Variants in GUCA1C observed in about 807,000 individuals in gnomAD.
GUCA1C encodes guanylyl cyclase-activating protein 3.
GUCA1C carries 15 observed loss-of-function variants against 16.2 expected under a neutral mutation model. The observed-to-expected ratio is 0.93, with a 90% confidence interval of 0.62 to 1.43. The LOEUF (loss-of-function observed/expected upper bound fraction) is 1.43, where lower values mean the gene tolerates loss of function less well. GUCA1C is among the 40% of genes most tolerant of loss of function. GUCA1C has a pLI of 0.00. For synonymous variants in GUCA1C, 78 were observed against 85.4 expected (o/e 0.91, Z 0.48); for missense variants, 275 against 244.8 (o/e 1.12, Z -0.82).
intron 1 of GUCA1C, among the ~76,000 whole-genome samples, chr3:108,938,452 C>A (rs953819548): frequency 1.3e-5 from 2 of 152,144 alleles, no homozygotes; most frequent in Non-Finnish European, 2.9e-5. Context: ...GCACATTACA[C>A]AATTGATCAA....
At chr3:108,919,614 G>A (rs963875269) in intron 2 of GUCA1C, among the ~76,000 whole-genome samples, 3 of 152,016 alleles carry the variant, frequency 2.0e-5, no homozygotes, top group African/African-American at 4.8e-5. Flanking sequence ...ATTTTTATCT[G>A]CTTTGAACGT....
rs115194813 is a variant in GUCA1C, at chr3:108,949,457, T to C, written c.204+4102A>G. ...AAAGCCTGTAGACAGAGGACTCTCC[T>C]GTCTGTTAGGAATAACCCGGCCTTA... On this transcript the variant is annotated intron_variant, in intron 1 of 3. Transcript: ENST00000261047. Among the ~76,000 whole-genome samples, 1,084 of 152,322 alleles carry C rather than the reference T, an allele frequency of 7.1e-3. 14 individuals are homozygous for C. Among genetic ancestry groups the C allele is most frequent in the African/African-American group, 0.024 (1,010 of 41,570 alleles).
At chr3:108,916,301 G>T in intron 2 of GUCA1C, 87 bp from the exon 3 acceptor site, 1 of 1,323,128 alleles carries the variant, frequency 7.6e-7, no homozygotes, top group Non-Finnish European at 1.1e-6. Flanking sequence ...GACAGAATTT[G>T]GGGATGTGTT....
At position 108,915,025 on chromosome 3, in the gene GUCA1C, A is replaced by G. The variant is rs183446399; in HGVS notation, c.442+1102T>C. 4.6e-5 allele frequency among the ~76,000 whole-genome samples: 7 copies of G among 152,332 alleles called. No individual in the cohort carries two copies. In the East Asian group the frequency reaches 1.4e-3, roughly 29 times the overall value. On this transcript the variant is annotated intron_variant, in intron 3 of 3. Transcript: ENST00000261047. Reference sequence around the variant, plus strand: ...CGAGGTGCTTAAGAGAAGAAGATTGATGCAACTGATGCATCTTCAAATTTC... The same window carrying G: ...CGAGGTGCTTAAGAGAAGAAGATTGGTGCAACTGATGCATCTTCAAATTTC...
intron 1 of GUCA1C, among the ~76,000 whole-genome samples, chr3:108,927,126 G>T (rs1361621327): frequency 6.6e-6 from 1 of 152,144 alleles, no homozygotes. Flanking sequence ...TTCCCTTATA[G>T]GTTGCCTGAT....
chr3:108,943,227 C>T (rs144594187), intron 1 of GUCA1C, among the ~76,000 whole-genome samples: 3 of 151,752 alleles, frequency 2.0e-5, no homozygotes, highest in African/African-American at 4.8e-5. Flanking sequence ...TGCCAGGTAT[C>T]GAGGGGGAGT....
At chr3:108,947,342 G>A (rs1414717099) in intron 1 of GUCA1C, among the ~76,000 whole-genome samples, 1 of 152,108 alleles carries the variant, frequency 6.6e-6, no homozygotes, top group Non-Finnish European at 1.5e-5. Flanking sequence ...CGTTTGAGTA[G>A]GCTGAGGAGG....
chr3:108,953,559 C>T lies in GUCA1C; in HGVS notation c.204G>A (p.Lys68=). ...DQVYNTFDTN[K]DGFVDFLEFI... is the part of the protein sequence containing the mutation. ...TGAAATGAAAAATGAAAGATCTTAC[C>T]TTGTTCGTGTCAAAGGTATTATAAA... The change falls in exon 1 of 4, where the codon AAG becomes AAA. Residue 68 remains lysine (K), a splice_region_variant and synonymous_variant. Transcript: ENST00000261047. 1 of 1,579,358 alleles carries T rather than the reference C, an allele frequency of 6.3e-7. No individual in the cohort carries two copies. The highest frequency in any genetic ancestry group is 8.7e-7 in the Non-Finnish European group (1 of 1,148,986).
At chr3:108,912,921 T>C (rs1030345201) in intron 3 of GUCA1C, among the ~76,000 whole-genome samples, 2 of 152,166 alleles carry the variant, frequency 1.3e-5, no homozygotes, top group Admixed American at 6.6e-5. Context: ...GTGGAGCTCA[T>C]AGCTCTTCAT....
intron 1 of GUCA1C, among the ~76,000 whole-genome samples, chr3:108,948,761 T>A (rs577031342): frequency 6.6e-6 from 1 of 152,328 alleles, no homozygotes; most frequent in Non-Finnish European, 1.5e-5. Context: ...ACCCTTCTTA[T>A]AAAATTTCTC....
chr3:108,918,681 G>A (rs953179538), intron 2 of GUCA1C, among the ~76,000 whole-genome samples: 15 of 152,120 alleles, frequency 9.9e-5, no homozygotes, highest in African/African-American at 3.6e-4. Flanking sequence ...TGCCTATACT[G>A]TGGTACTTCC....
intron 3 of GUCA1C, among the ~76,000 whole-genome samples, chr3:108,908,733 G>A (rs73850660): frequency 0.15 from 23,006 of 152,098 alleles, 5,613 homozygotes; most frequent in African/African-American, 0.52. Context: ...TTTGAGTCCT[G>A]ATCTTATCAC....
chr3:108,922,539 GGAGT>G (rs1188071758), intron 1 of GUCA1C, among the ~76,000 whole-genome samples: 1 of 152,034 alleles, frequency 6.6e-6, no homozygotes, highest in Non-Finnish European at 1.5e-5. Context: ...CATTCTTGCA[GGAGT>G]GAGGTGATAT....
intron 1 of GUCA1C, among the ~76,000 whole-genome samples, chr3:108,924,147 C>T (rs537379945): frequency 9.9e-5 from 15 of 152,166 alleles, no homozygotes; most frequent in Admixed American, 2.6e-4. Flanking sequence ...TTATTTCTTT[C>T]TCTTGTCTTA....
At chr3:108,926,607 A>G (rs1016124116) in intron 1 of GUCA1C, among the ~76,000 whole-genome samples, 1 of 152,058 alleles carries the variant, frequency 6.6e-6, no homozygotes, top group Admixed American at 6.5e-5. Context: ...CGGCCTCCCG[A>G]GTAGCTGGGA....
chr3:108,944,218 A>C (rs1946820703), intron 1 of GUCA1C, among the ~76,000 whole-genome samples: 1 of 152,168 alleles, frequency 6.6e-6, no homozygotes. Context: ...AAAGAAGTGC[A>C]TATGTAAAAG....
At position 108,953,681 on chromosome 3, in the gene GUCA1C, T is replaced by G; in HGVS notation, c.82A>C (p.Met28Leu). 1 of 1,612,884 alleles carries G rather than the reference T, an allele frequency of 6.2e-7. No individual in the cohort carries two copies. Among genetic ancestry groups the G allele is most frequent in the Non-Finnish European group, 8.5e-7 (1 of 1,178,848 alleles). The change falls in exon 1 of 4, where the codon ATG (methionine) becomes CTG (leucine). Residue 28 changes from methionine to leucine, a missense_variant. By Grantham distance (15) the Met-to-Leu change is conservative (BLOSUM62 2). Transcript: ENST00000261047. ...GTTTGCAGGCCGGATGGATATTCCA[T>G]CATAAATGTTCTGTACCACACATGG... is the stretch of plus-strand genomic sequence containing the variant. ...ETHVWYRTFM[M>L]EYPSGLQTLH...
intron 1 of GUCA1C, among the ~76,000 whole-genome samples, chr3:108,943,372 C>T (rs936148932): frequency 5.3e-5 from 8 of 152,240 alleles, no homozygotes; most frequent in Non-Finnish European, 8.8e-5. Context: ...CTGCACCTAG[C>T]GTAGACTGGG....
Position 108,945,534 on chromosome 3 carries a change from GA to G in GUCA1C, c.204+8024del, listed in dbSNP as rs569646664. Among the ~76,000 whole-genome samples the G allele has an allele frequency of 5.3e-5, 8 of 152,324 alleles. 1 individual carries two copies. The South Asian group carries it at 1.7e-3, about 32-fold the overall frequency. On this transcript the variant is annotated intron_variant, in intron 1 of 3. Transcript: ENST00000261047. ...ATGGAATGGACGATTCCCAGTTGTAGAAACTAAGGAACTTGTGTTGCCAAGT... is the reference window on the plus strand; with the variant it reads ...ATGGAATGGACGATTCCCAGTTGTAGAACTAAGGAACTTGTGTTGCCAAGT...
Sources: allele counts gnomAD v4.1 joint callset (sites outside exome capture counted in the v4.1 genomes callset), GRCh38; gene constraint gnomAD v4.1.1; transcripts MANE v1.5; gene names NCBI Gene and HGNC (gene_info 2026-07-23, HGNC 2026-07-21).